The following SYT14 variants were observed in gnomAD, a reference collection of about 807,000 sequenced individuals.
SYT14 encodes synaptotagmin 14.
SYT14 carries 32 observed loss-of-function variants against 74.2 expected under a neutral mutation model. The observed-to-expected ratio is 0.43, with a 90% CI of 0.33 to 0.58. SYT14 has a LOEUF of 0.58. Among genes scored for constraint, SYT14 ranks in the 20% least tolerant of loss-of-function variants. The pLI is 0.05. For synonymous variants in SYT14, 298 were observed against 337.7 expected, an observed-to-expected ratio of 0.88 and a Z score of 1.29; for missense variants, 791 against 981.8, an observed-to-expected ratio of 0.81 and a Z score of 2.60.
At chr1:210,153,281 G>C (rs1212749604) in intron 7 of SYT14, among the ~76,000 whole-genome samples, 1 of 152,022 alleles carries the variant, frequency 6.6e-6, no homozygotes, top group African/African-American at 2.4e-5. Flanking sequence ...GTTGTGTAGC[G>C]TTACCTCATA....
At chr1:210,154,270 AGTACCAGTCCATGGCCT>A (rs2102708416) in intron 7 of SYT14, among the ~76,000 whole-genome samples, 1 of 152,288 alleles carries the variant, frequency 6.6e-6, no homozygotes, top group Non-Finnish European at 1.5e-5. Flanking sequence ...GCCACAGACC[AGTACCAGTCCATGGCCT>A]GTTAGGAATG....
At chr1:209,974,735 C>G (rs892139693) in intron 2 of SYT14, among the ~76,000 whole-genome samples, 6 of 152,046 alleles carry the variant, frequency 3.9e-5, no homozygotes, top group African/African-American at 7.2e-5. Context: ...GTAGTTTTTT[C>G]CAATTCTGTG....
intron 2 of SYT14, among the ~76,000 whole-genome samples, chr1:209,982,391 A>G (rs1349867899): frequency 6.6e-6 from 1 of 152,216 alleles, no homozygotes. Flanking sequence ...TCTGAGTTGA[A>G]GCAATCCACC....
intron 2 of SYT14, among the ~76,000 whole-genome samples, chr1:209,973,397 T>A (rs1402017777): frequency 6.6e-6 from 1 of 152,156 alleles, no homozygotes; most frequent in East Asian, 1.9e-4. Flanking sequence ...GTGTGTGATG[T>A]TCCCCTTCCT....
At chr1:210,028,340 A>G (rs574415963) in intron 5 of SYT14, among the ~76,000 whole-genome samples, 1 of 141,322 alleles carries the variant, frequency 7.1e-6, no homozygotes, top group Non-Finnish European at 1.6e-5. Context: ...ATAGTTTTCA[A>G]TTCTATTGTT....
At position 210,064,771 on chromosome 1, in the gene SYT14, G is replaced by A. The variant is rs78471341; in HGVS notation, c.1313-29551G>A. Among the ~76,000 whole-genome samples the A allele has an allele frequency of 2.9e-3, 446 of 152,074 alleles. 2 individuals carry two copies. The highest frequency in any genetic ancestry group is 9.9e-3 in the African/African-American group (411 of 41,498). On this transcript the variant is annotated intron_variant, in intron 5 of 9. Coordinates refer to ENST00000637265, the Ensembl canonical transcript of SYT14. ...GAGTTGCTGCTTTCAGTTATTTTGGGTGTATACCTAGGAATAGAATTGTAG... is the reference window on the plus strand; with the variant it reads ...GAGTTGCTGCTTTCAGTTATTTTGGATGTATACCTAGGAATAGAATTGTAG...
At chr1:209,998,961 A>C (rs1047015525) in intron 2 of SYT14, among the ~76,000 whole-genome samples, 2 of 152,116 alleles carry the variant, frequency 1.3e-5, no homozygotes, top group Non-Finnish European at 2.9e-5. Flanking sequence ...TTAAGCTAAA[A>C]AGCTTCTGCA....
intron 5 of SYT14, among the ~76,000 whole-genome samples, chr1:210,088,892 T>TA (rs2081800936): frequency 6.6e-6 from 1 of 151,582 alleles, no homozygotes; most frequent in African/African-American, 2.4e-5. Flanking sequence ...ATTTTTTTTT[T>TA]ATTATACTTT....
chr1:210,029,921 G>A (rs1039843843), intron 5 of SYT14, among the ~76,000 whole-genome samples: 3 of 151,976 alleles, frequency 2.0e-5, no homozygotes, highest in African/African-American at 7.2e-5. Context: ...ATTTCTTTTG[G>A]AAATGTTTTA....
At chr1:210,011,539 C>T (rs2080086929) in intron 2 of SYT14, among the ~76,000 whole-genome samples, 1 of 152,168 alleles carries the variant, frequency 6.6e-6, no homozygotes, top group Non-Finnish European at 1.5e-5. Flanking sequence ...ATATTACTCT[C>T]TGCTTCATCT....
chr1:210,068,854 C>T (rs926681224), intron 5 of SYT14, among the ~76,000 whole-genome samples: 3 of 151,622 alleles, frequency 2.0e-5, no homozygotes, highest in Non-Finnish European at 1.5e-5. Context: ...ACTTTAACTT[C>T]TTGAGCTGGA....
intron 1 of SYT14, among the ~76,000 whole-genome samples, chr1:209,939,566 CTA>C (rs1380531468): frequency 6.6e-6 from 1 of 152,204 alleles, no homozygotes; most frequent in Non-Finnish European, 1.5e-5. Flanking sequence ...TACCTATAAT[CTA>C]TGATGTTCCT....
chr1:210,039,666 A>G (rs901209864), intron 5 of SYT14, among the ~76,000 whole-genome samples: 2 of 152,176 alleles, frequency 1.3e-5, no homozygotes, highest in Non-Finnish European at 2.9e-5. Context: ...AGAATCTACA[A>G]AGCACTTAAA....
At chr1:209,966,225 C>T (rs886978404) in intron 2 of SYT14, among the ~76,000 whole-genome samples, 5 of 152,102 alleles carry the variant, frequency 3.3e-5, no homozygotes, top group African/African-American at 7.2e-5. Flanking sequence ...GTTGCCAATA[C>T]CAAAGTGTCT....
chr1:210,098,496 C>T (rs1421764389), intron 6 of SYT14, among the ~76,000 whole-genome samples: 3 of 152,050 alleles, frequency 2.0e-5, no homozygotes, highest in African/African-American at 4.8e-5. Context: ...CTGAGCTGAC[C>T]CACACTTCCT....
chr1:209,965,194 A>G (rs538662654), intron 2 of SYT14, among the ~76,000 whole-genome samples: 1 of 152,308 alleles, frequency 6.6e-6, no homozygotes. Flanking sequence ...CAAAGAGTAA[A>G]CAGAATACTC....
exon 10 of SYT14, chr1:210,161,260 A>G (rs1179779408): frequency 6.0e-6 from 4 of 663,104 alleles, no homozygotes; most frequent in Non-Finnish European, 8.3e-6. Flanking sequence ...TGAGAAACGT[A>G]CACTATCATT....
intron 5 of SYT14, among the ~76,000 whole-genome samples, chr1:210,052,586 C>T (rs1300793005): frequency 6.9e-6 from 1 of 144,134 alleles, no homozygotes; most frequent in African/African-American, 2.6e-5. Flanking sequence ...TCACGTGAAC[C>T]CAGAGCCGGA....
At chr1:209,941,279 C>T (rs540082918) in intron 1 of SYT14, among the ~76,000 whole-genome samples, 1 of 152,288 alleles carries the variant, frequency 6.6e-6, no homozygotes, top group South Asian at 2.1e-4. Context: ...AGAGTTACCA[C>T]ATGGAGCTAA....
Sources: allele counts gnomAD v4.1 joint callset (sites outside exome capture counted in the v4.1 genomes callset), GRCh38; gene constraint gnomAD v4.1.1; transcripts MANE v1.5; gene names NCBI Gene and HGNC (gene_info 2026-07-23, HGNC 2026-07-21).